Variants in PHF8 observed in about 807,000 individuals in gnomAD.
PHF8 encodes the protein PHD finger protein 8.
PHF8 carries 9 observed loss-of-function variants against 74.4 expected under a neutral mutation model. The ratio of observed to expected loss-of-function variants is 0.12; its 90% CI spans 0.07 to 0.21. PHF8 has a LOEUF of 0.21. PHF8 is among the 10% of genes least tolerant of loss of function. The pLI is 1.00. For synonymous variants in PHF8, 311 were observed against 316.6 expected (o/e 0.98, Z 0.19); for missense variants, 478 against 816.6 (o/e 0.59, Z 5.05).
chrX:53,976,248 C>A (rs782314582), intron 18 of PHF8, among the ~76,000 whole-genome samples: 1 of 108,903 alleles, frequency 9.2e-6, no homozygotes, highest in African/African-American at 3.4e-5. Flanking sequence ...GAGGTTGGAG[C>A]GAGCGGAGAC....
chrX:53,945,375 T>A (rs1436166942), intron 19 of PHF8, among the ~76,000 whole-genome samples: 8 of 104,488 alleles, frequency 7.7e-5, no homozygotes, highest in Admixed American at 1.0e-4. Flanking sequence ...CCGGCCATGG[T>A]GGTGCACGCC....
chrX:54,028,534 G>A (rs186122370), intron 2 of PHF8, among the ~76,000 whole-genome samples: 16 of 110,899 alleles, frequency 1.4e-4, no homozygotes, highest in East Asian at 5.7e-4. Context: ...TCACTCCCAG[G>A]GCTCCATGTG....
chrX:53,991,661 CAAAAAAAAAAAA>C (rs1201744328), intron 14 of PHF8, among the ~76,000 whole-genome samples: 5 of 16,754 alleles, frequency 3.0e-4, no homozygotes, highest in African/African-American at 9.2e-4. Flanking sequence ...GACTCTGTCT[CAAAAAAAAAAAA>C]AAAAAAAAAA....
intron 18 of PHF8, among the ~76,000 whole-genome samples, chrX:53,970,194 C>T (rs1433693974): frequency 9.0e-6 from 1 of 111,582 alleles, no homozygotes; most frequent in East Asian, 2.8e-4. Flanking sequence ...CAGAGACAAC[C>T]CACAGAATGG....
chrX:54,044,705 G>A (rs1557117035), upstream of PHF8, among the ~76,000 whole-genome samples: 1 of 112,698 alleles, frequency 8.9e-6, no homozygotes, highest in African/African-American at 3.2e-5. Context: ...AAACTTCCTA[G>A]CCTTCCCCCT....
intron 6 of PHF8, 136 bp from the exon 7 acceptor site, chrX:54,014,699 C>A: frequency 2.0e-6 from 1 of 498,970 alleles, no homozygotes; most frequent in Non-Finnish European, 3.5e-6. Flanking sequence ...CCCAAAGGCA[C>A]ATAGGACACT....
chrX:54,019,471 C>G (rs1334882174), intron 4 of PHF8, among the ~76,000 whole-genome samples: 1 of 108,064 alleles, frequency 9.3e-6, no homozygotes, highest in Admixed American at 1.0e-4. Flanking sequence ...AAAAAAAAAT[C>G]TACTTATTTC....
At chrX:53,949,671 G>A (rs2064888928) in intron 19 of PHF8, among the ~76,000 whole-genome samples, 1 of 108,500 alleles carries the variant, frequency 9.2e-6, no homozygotes, top group Non-Finnish European at 1.9e-5. Context: ...AATTAGCCGG[G>A]CGTGGTGACA....
intron 1 of PHF8, chrX:54,043,060 T>A: frequency 2.0e-6 from 1 of 492,709 alleles, no homozygotes; most frequent in Non-Finnish European, 2.9e-6. Flanking sequence ...CCCCCCACCT[T>A]CTTCGGCCCC....
At position 53,982,664 on chromosome X, in the gene PHF8, G is replaced by A. The variant is rs781822267; in HGVS notation, c.2443+2250C>T. ...AAATCCCCATATATATGGGAATTTC[G>A]TTTATGACAAAGGTAGAACTTCAAG... is the stretch of plus-strand genomic sequence containing the variant. On this transcript the variant is annotated intron_variant, in intron 18 of 21. Transcript: ENST00000338154. Among the ~76,000 whole-genome samples the A allele has an allele frequency of 5.4e-5, 6 of 111,934 alleles. No homozygotes were observed. The East Asian group carries it at 1.1e-3, about 21-fold the overall frequency.
At chrX:54,021,350 C>T (rs1480900040) in intron 4 of PHF8, among the ~76,000 whole-genome samples, 2 of 109,363 alleles carry the variant, frequency 1.8e-5, no homozygotes, top group Non-Finnish European at 3.8e-5. Flanking sequence ...ATGTTCACTA[C>T]TTGGGTGATG....
chrX:53,978,015 G>A (rs1433249716), intron 18 of PHF8, among the ~76,000 whole-genome samples: 1 of 99,977 alleles, frequency 1.0e-5, no homozygotes, highest in African/African-American at 3.7e-5. Context: ...ATGCAATCTC[G>A]GTTCACTGCA....
At chrX:53,951,910 C>G (rs1557087014) in intron 19 of PHF8, among the ~76,000 whole-genome samples, 1 of 111,577 alleles carries the variant, frequency 9.0e-6, no homozygotes, top group Non-Finnish European at 1.9e-5. Flanking sequence ...TCCAGCAAAA[C>G]TATCCTTCAA....
chrX:53,940,595 G>GTCCA (rs2064736967), intron 20 of PHF8, 79 bp from the exon 21 acceptor site: 1 of 703,748 alleles, frequency 1.4e-6, no homozygotes, highest in East Asian at 3.5e-5. Context: ...ACTAGACAAT[G>GTCCA]TCCAATATGG....
At chrX:53,954,526 A>G (rs782019444) in intron 19 of PHF8, among the ~76,000 whole-genome samples, 22 of 99,281 alleles carry the variant, frequency 2.2e-4, no homozygotes, top group African/African-American at 6.2e-4. Context: ...AAAAAAAAAG[A>G]AAAGAAAAAA....
chrX:53,950,849 G>A (rs782428494), intron 19 of PHF8, among the ~76,000 whole-genome samples: 1 of 112,329 alleles, frequency 8.9e-6, no homozygotes, highest in South Asian at 3.7e-4. Flanking sequence ...CATTTAAAAT[G>A]TACAGTTTTC....
At chrX:53,980,875 A>G (rs896383386) in intron 18 of PHF8, among the ~76,000 whole-genome samples, 1 of 112,962 alleles carries the variant, frequency 8.9e-6, no homozygotes, top group African/African-American at 3.2e-5. Flanking sequence ...GTTTGAAGAC[A>G]GAAACAAAAG....
intron 2 of PHF8, among the ~76,000 whole-genome samples, chrX:54,027,380 G>A (rs1236274430): frequency 1.8e-5 from 2 of 110,936 alleles, no homozygotes; most frequent in Non-Finnish European, 3.8e-5. Context: ...GCTGTACATG[G>A]TGCAAAACTC....
At chrX:53,940,129 G>C (rs1310005190) in intron 21 of PHF8, 51 bp downstream of exon 21, 2 of 986,290 alleles carry the variant, frequency 2.0e-6, no homozygotes, top group African/African-American at 3.8e-5. Context: ...TTAGGATTTA[G>C]GGCAGGTGGC....
Sources: gnomAD v4.1 joint callset for allele counts (sites outside exome capture counted in the v4.1 genomes callset) on GRCh38, gnomAD v4.1.1 for gene constraint, MANE v1.5 for transcripts, NCBI Gene and HGNC (gene_info 2026-07-23, HGNC 2026-07-21) for gene names.